AFG2A: variants seen among roughly 807,000 people sequenced by gnomAD.
The protein encoded by AFG2A is ATPase family gene 2 protein homolog A.
At chr4:122,945,481 T>C in the AFG2A span, among the ~76,000 whole-genome samples, 64 of 152,350 alleles carry the variant, frequency 4.2e-4, 2 homozygotes, top group East Asian at 0.012. Context: ...GTGCACCGTT[T>C]CCTAAGCCCA....
chr4:123,104,757 G>T, the AFG2A span, among the ~76,000 whole-genome samples: 2 of 152,206 alleles, frequency 1.3e-5, no homozygotes, highest in Admixed American at 1.3e-4. Flanking sequence ...TTAAGCCAAA[G>T]CCTAATCCAG....
the AFG2A span, among the ~76,000 whole-genome samples, chr4:122,983,436 T>C: frequency 1.3e-5 from 2 of 152,152 alleles, no homozygotes; most frequent in Non-Finnish European, 2.9e-5. Context: ...TTAATATAGG[T>C]ATTTATTGCT....
the AFG2A span, among the ~76,000 whole-genome samples, chr4:123,044,330 T>C: frequency 1.3e-5 from 2 of 152,210 alleles, no homozygotes; most frequent in African/African-American, 4.8e-5. Context: ...AGATGAGTTT[T>C]TTCCTTGCAA....
At chr4:123,078,620 TAA>T in the AFG2A span, among the ~76,000 whole-genome samples, 1 of 152,184 alleles carries the variant, frequency 6.6e-6, no homozygotes, top group East Asian at 1.9e-4. Context: ...TAAATATTTA[TAA>T]GTGTCTGTAA....
At chr4:123,198,572 A>G in the AFG2A span, among the ~76,000 whole-genome samples, 2 of 152,170 alleles carry the variant, frequency 1.3e-5, no homozygotes, top group African/African-American at 4.8e-5. Context: ...TCTTAATTGA[A>G]GCTAGGACTT....
At chr4:123,279,242 C>A in the AFG2A span, among the ~76,000 whole-genome samples, 1 of 152,000 alleles carries the variant, frequency 6.6e-6, no homozygotes, top group East Asian at 1.9e-4. Flanking sequence ...ATGGTGAAAC[C>A]CCATCTCTAC....
the AFG2A span, among the ~76,000 whole-genome samples, chr4:123,086,741 C>T: frequency 1.3e-5 from 2 of 151,654 alleles, no homozygotes; most frequent in African/African-American, 4.8e-5. Flanking sequence ...ATAAAGTTTT[C>T]CTTATCCTTG....
the AFG2A span, among the ~76,000 whole-genome samples, chr4:123,107,444 G>C: frequency 6.6e-6 from 1 of 152,212 alleles, no homozygotes; most frequent in South Asian, 2.1e-4. Context: ...CTGAGTCCAG[G>C]GGATTTTATG....
the AFG2A span, chr4:122,934,245 C>T: frequency 6.2e-7 from 1 of 1,614,148 alleles, no homozygotes; most frequent in Admixed American, 1.7e-5. Context: ...AAAGAATGGC[C>T]TTTGAACAGT....
the AFG2A span, among the ~76,000 whole-genome samples, chr4:123,225,049 G>A: frequency 6.6e-6 from 1 of 152,160 alleles, no homozygotes; most frequent in Non-Finnish European, 1.5e-5. Context: ...CCCACTTGTT[G>A]ATGGAGTTGT....
At chr4:123,280,969 CCA>C in the AFG2A span, among the ~76,000 whole-genome samples, 1 of 151,822 alleles carries the variant, frequency 6.6e-6, no homozygotes, top group South Asian at 2.1e-4. Context: ...TCAGCTGGTA[CCA>C]TAAATTTTCA....
the AFG2A span, among the ~76,000 whole-genome samples, chr4:123,139,984 T>G: frequency 1.3e-5 from 2 of 151,810 alleles, no homozygotes; most frequent in Non-Finnish European, 2.9e-5. Flanking sequence ...CCCTCAGGAG[T>G]AGGCAAATAT....
At chr4:123,191,779 T>C in the AFG2A span, among the ~76,000 whole-genome samples, 1 of 152,130 alleles carries the variant, frequency 6.6e-6, no homozygotes, top group African/African-American at 2.4e-5. Context: ...CCATGAGTGG[T>C]TGTCATTTTC....
At chr4:123,150,280 T>C in the AFG2A span, among the ~76,000 whole-genome samples, 1 of 152,094 alleles carries the variant, frequency 6.6e-6, no homozygotes, top group African/African-American at 2.4e-5. Context: ...GCCAGGGCAA[T>C]CAGGCAAGAG....
chr4:123,009,743 T>C, the AFG2A span, among the ~76,000 whole-genome samples: 1 of 152,216 alleles, frequency 6.6e-6, no homozygotes, highest in African/African-American at 2.4e-5. Flanking sequence ...TTGACTGGGA[T>C]TGACGGTTTT....
chr4:123,010,066 G>A, the AFG2A span, among the ~76,000 whole-genome samples: 85 of 152,252 alleles, frequency 5.6e-4, no homozygotes, highest in African/African-American at 2.0e-3. Flanking sequence ...TTGCAGATTA[G>A]GGAAGCTAAA....
the AFG2A span, among the ~76,000 whole-genome samples, chr4:123,001,710 A>T: frequency 6.6e-6 from 1 of 150,854 alleles, no homozygotes; most frequent in Non-Finnish European, 1.5e-5. Context: ...TGCTGAGGAG[A>T]GCTTTACTTC....
At chr4:122,971,740 T>G in the AFG2A span, among the ~76,000 whole-genome samples, 1 of 152,128 alleles carries the variant, frequency 6.6e-6, no homozygotes, top group African/African-American at 2.4e-5. Flanking sequence ...TAAAAAAATA[T>G]AATTAATGAT....
the AFG2A span, among the ~76,000 whole-genome samples, chr4:123,296,318 A>G: frequency 6.6e-6 from 1 of 152,222 alleles, no homozygotes; most frequent in Non-Finnish European, 1.5e-5. Flanking sequence ...ACTGGATAGG[A>G]TATATAATTC....
Sources: gnomAD v4.1 joint callset for allele counts (sites outside exome capture counted in the v4.1 genomes callset) on GRCh38, gnomAD v4.1.1 for gene constraint, MANE v1.5 for transcripts, NCBI Gene and HGNC (gene_info 2026-07-23, HGNC 2026-07-21) for gene names.